The following PTPRD variants were observed in gnomAD, a reference collection of about 807,000 sequenced individuals.
PTPRD encodes protein tyrosine phosphatase receptor type D, also known as receptor-type tyrosine-protein phosphatase delta.
Under a neutral mutation model 214.5 loss-of-function variants are expected in PTPRD, and 34 were observed. The observed-to-expected ratio is 0.16, with a 90% CI of 0.12 to 0.21. The LOEUF (loss-of-function observed/expected upper bound fraction) is 0.21. Among genes scored for constraint, PTPRD ranks in the 10% least tolerant of loss-of-function variants. The pLI, the probability that PTPRD is intolerant of heterozygous loss-of-function variation, is 1.00. For synonymous variants in PTPRD, 1,128 were observed against 845.7 expected (o/e 1.33, Z -5.79); for missense variants, 2,545 against 2,398.7 (o/e 1.06, Z -1.27).
intron 3 of PTPRD, among the ~76,000 whole-genome samples, chr9:10,092,120 G>T (rs765371055): frequency 4.0e-5 from 6 of 151,412 alleles, no homozygotes; most frequent in Non-Finnish European, 7.4e-5. Context: ...GAGGTAAAAA[G>T]TTGACAGTAG....
At chr9:8,712,520 G>A (rs978622810) in intron 12 of PTPRD, among the ~76,000 whole-genome samples, 4 of 151,808 alleles carry the variant, frequency 2.6e-5, no homozygotes, top group Non-Finnish European at 5.9e-5. Flanking sequence ...TGTGAAAGTG[G>A]ACAGATACTG....
At chr9:10,517,691 T>C (rs2050608348) in intron 2 of PTPRD, among the ~76,000 whole-genome samples, 1 of 152,088 alleles carries the variant, frequency 6.6e-6, no homozygotes, top group African/African-American at 2.4e-5. Flanking sequence ...CATTTGTGTA[T>C]AATGTTATTG....
chr9:9,295,196 TAAAGTA>T (rs1297014059), intron 9 of PTPRD, among the ~76,000 whole-genome samples: 1 of 151,646 alleles, frequency 6.6e-6, no homozygotes, highest in Non-Finnish European at 1.5e-5. Flanking sequence ...TTTAAACAAA[TAAAGTA>T]AAAGTTACCC....
intron 3 of PTPRD, among the ~76,000 whole-genome samples, chr9:10,311,435 C>T (rs1445024568): frequency 6.6e-6 from 1 of 151,950 alleles, no homozygotes; most frequent in Non-Finnish European, 1.5e-5. Context: ...ACTCATTTTG[C>T]CAAATAATCT....
intron 5 of PTPRD, among the ~76,000 whole-genome samples, chr9:9,933,302 G>C: frequency 6.6e-6 from 1 of 152,152 alleles, no homozygotes; most frequent in African/African-American, 2.4e-5. Flanking sequence ...AAAGAGTCAA[G>C]ACCCATCAGT....
intron 10 of PTPRD, among the ~76,000 whole-genome samples, chr9:9,056,115 T>C (rs2099695762): frequency 6.6e-6 from 1 of 152,196 alleles, no homozygotes; most frequent in South Asian, 2.1e-4. Flanking sequence ...GACTATTAGT[T>C]GTTTTCTAGA....
At chr9:10,460,816 T>G (rs2098952992) in intron 2 of PTPRD, among the ~76,000 whole-genome samples, 1 of 152,124 alleles carries the variant, frequency 6.6e-6, no homozygotes, top group African/African-American at 2.4e-5. Context: ...AAAAGCTCCT[T>G]GACATTAGTC....
At chr9:9,220,474 GCCT>G (rs1366875736) in intron 9 of PTPRD, among the ~76,000 whole-genome samples, 1 of 151,718 alleles carries the variant, frequency 6.6e-6, no homozygotes, top group Non-Finnish European at 1.5e-5. Flanking sequence ...GTTTTAATTT[GCCT>G]CCTTTGTGCA....
intron 5 of PTPRD, among the ~76,000 whole-genome samples, chr9:9,808,801 T>G (rs779447077): frequency 1.3e-5 from 2 of 152,184 alleles, no homozygotes; most frequent in Non-Finnish European, 2.9e-5. Flanking sequence ...ATACTGGGTC[T>G]TGCTTTGTTT....
At chr9:10,236,146 G>A (rs1362506645) in intron 3 of PTPRD, among the ~76,000 whole-genome samples, 1 of 151,856 alleles carries the variant, frequency 6.6e-6, no homozygotes, top group Non-Finnish European at 1.5e-5. Flanking sequence ...ACCTCTGACT[G>A]TCCGAGACAC....
intron 10 of PTPRD, among the ~76,000 whole-genome samples, chr9:9,082,972 C>G (rs956286901): frequency 1.3e-5 from 2 of 152,138 alleles, no homozygotes; most frequent in East Asian, 3.8e-4. Flanking sequence ...AATGGCCATA[C>G]TGCCCAAAGT....
At chr9:10,141,759 T>G (rs1228599824) in intron 3 of PTPRD, among the ~76,000 whole-genome samples, 3 of 151,920 alleles carry the variant, frequency 2.0e-5, no homozygotes, top group African/African-American at 7.3e-5. Context: ...TACTTTAAAG[T>G]TCATATGGAA....
intron 3 of PTPRD, among the ~76,000 whole-genome samples, chr9:10,055,174 T>C (rs2097604977): frequency 6.6e-6 from 1 of 152,088 alleles, no homozygotes; most frequent in South Asian, 2.1e-4. Context: ...TAAATGTCTA[T>C]TGTTTACGCC....
At chr9:8,912,613 G>C (rs2098755888) in intron 11 of PTPRD, among the ~76,000 whole-genome samples, 1 of 152,112 alleles carries the variant, frequency 6.6e-6, no homozygotes, top group African/African-American at 2.4e-5. Context: ...ATAATGGTTA[G>C]ATTGTATGGT....
intron 30 of PTPRD, among the ~76,000 whole-genome samples, chr9:8,477,325 A>G (rs1488890850): frequency 6.6e-6 from 1 of 152,192 alleles, no homozygotes; most frequent in African/African-American, 2.4e-5. Flanking sequence ...CTTATAAAGT[A>G]AGCTGTGTTT....
At chr9:10,238,412 T>A (rs767141049) in intron 3 of PTPRD, among the ~76,000 whole-genome samples, 5 of 151,920 alleles carry the variant, frequency 3.3e-5, no homozygotes, top group Non-Finnish European at 7.4e-5. Context: ...TTCAGAACAA[T>A]ATGTAACATT....
chr9:9,516,806 G>A (rs1039578496), intron 8 of PTPRD, among the ~76,000 whole-genome samples: 27 of 148,676 alleles, frequency 1.8e-4, no homozygotes, highest in African/African-American at 6.1e-4. Context: ...AAAGTGCTGG[G>A]ATTACAGGTG....
At chr9:9,141,186 G>C (rs1336969525) in intron 10 of PTPRD, among the ~76,000 whole-genome samples, 4 of 115,624 alleles carry the variant, frequency 3.5e-5, no homozygotes, top group Non-Finnish European at 5.0e-5. Context: ...CTCTCTCTCT[G>C]TCTCTCTCCA....
chr9:9,199,413 CAG>C (rs1257045279), intron 9 of PTPRD, among the ~76,000 whole-genome samples: 1 of 152,094 alleles, frequency 6.6e-6, no homozygotes, highest in Non-Finnish European at 1.5e-5. Flanking sequence ...TGGTACACAC[CAG>C]AGTCCTTAAC....
Sources: allele counts gnomAD v4.1 joint callset (sites outside exome capture counted in the v4.1 genomes callset), GRCh38; gene constraint gnomAD v4.1.1; transcripts MANE v1.5; gene names NCBI Gene and HGNC (gene_info 2026-07-23, HGNC 2026-07-21).